PCDH7: variants seen among roughly 807,000 people sequenced by gnomAD.
The protein encoded by PCDH7 is protocadherin-7.
Under a neutral mutation model 58.9 loss-of-function variants are expected in PCDH7, and 17 were observed. The observed-to-expected ratio is 0.29, with a 90% CI of 0.20 to 0.43. PCDH7 has a LOEUF of 0.43. Among genes scored for constraint, PCDH7 ranks in the 20% least tolerant of loss-of-function variants. The pLI is 1.00. For missense variants in PCDH7, 1,274 were observed against 1,441.0 expected (o/e 0.88, Z 1.88); for synonymous variants, 664 against 616.4 (o/e 1.08, Z -1.14).
At chr4:31,013,620 T>G (rs917733154) in intron 3 of PCDH7, among the ~76,000 whole-genome samples, 3 of 132,044 alleles carry the variant, frequency 2.3e-5, no homozygotes, top group African/African-American at 9.0e-5. Flanking sequence ...CACACACACA[T>G]ATATCTGCAC....
chr4:30,770,471 G>C (rs1020514919), intron 1 of PCDH7, among the ~76,000 whole-genome samples: 1 of 152,252 alleles, frequency 6.6e-6, no homozygotes, highest in South Asian at 2.1e-4. Flanking sequence ...AAACTGTTTG[G>C]GGTGAAGTAA....
At chr4:30,793,445 C>A (rs1170774610) in intron 1 of PCDH7, among the ~76,000 whole-genome samples, 3 of 152,062 alleles carry the variant, frequency 2.0e-5, no homozygotes, top group East Asian at 3.9e-4. Flanking sequence ...CAATTTATTT[C>A]TTATACCAGT....
At chr4:31,015,856 CTTTA>C (rs939868364) in intron 3 of PCDH7, among the ~76,000 whole-genome samples, 11 of 152,192 alleles carry the variant, frequency 7.2e-5, no homozygotes, top group Non-Finnish European at 1.5e-4. Context: ...TAAGTACAGA[CTTTA>C]TTTAACACAT....
intron 3 of PCDH7, among the ~76,000 whole-genome samples, chr4:30,957,772 A>G (rs986171503): frequency 6.6e-6 from 1 of 152,146 alleles, no homozygotes; most frequent in Non-Finnish European, 1.5e-5. Flanking sequence ...TATATCCATA[A>G]GAAATTTTCT....
At chr4:30,944,105 A>G (rs1164742068) in intron 2 of PCDH7, among the ~76,000 whole-genome samples, 1 of 152,070 alleles carries the variant, frequency 6.6e-6, no homozygotes, top group East Asian at 1.9e-4. Context: ...TTTCCTGACA[A>G]TATTAGGATA....
chr4:30,779,189 GT>G (rs574262104), intron 1 of PCDH7, among the ~76,000 whole-genome samples: 1 of 150,962 alleles, frequency 6.6e-6, no homozygotes, highest in Non-Finnish European at 1.5e-5. Flanking sequence ...ACACCCGGCT[GT>G]TTTTTTGTGT....
chr4:30,856,923 A>G (rs989502139), intron 1 of PCDH7, among the ~76,000 whole-genome samples: 3 of 151,932 alleles, frequency 2.0e-5, no homozygotes, highest in Non-Finnish European at 4.4e-5. Context: ...TAATTTTGGA[A>G]GCTTTTTTCT....
At chr4:30,811,653 A>G (rs1281828277) in intron 1 of PCDH7, among the ~76,000 whole-genome samples, 1 of 152,224 alleles carries the variant, frequency 6.6e-6, no homozygotes, top group African/African-American at 2.4e-5. Flanking sequence ...AAGTCAGAAG[A>G]GAAACAAGGA....
intron 1 of PCDH7, among the ~76,000 whole-genome samples, chr4:30,792,784 A>G (rs1340654799): frequency 6.6e-6 from 1 of 152,122 alleles, no homozygotes; most frequent in Non-Finnish European, 1.5e-5. Context: ...GCGGGTCAGC[A>G]TGAGTTTTTT....
At chr4:30,868,741 G>A (rs1735184933) in intron 1 of PCDH7, among the ~76,000 whole-genome samples, 1 of 151,956 alleles carries the variant, frequency 6.6e-6, no homozygotes, top group Non-Finnish European at 1.5e-5. Flanking sequence ...AAAGCAATTT[G>A]TTCTTTTACT....
chr4:30,811,032 G>A (rs1400711915), intron 1 of PCDH7, among the ~76,000 whole-genome samples: 1 of 152,168 alleles, frequency 6.6e-6, no homozygotes, highest in Non-Finnish European at 1.5e-5. Flanking sequence ...ACTCATAAAA[G>A]CTAATTGTGA....
At chr4:31,112,188 CA>C (rs1716403265) in intron 3 of PCDH7, among the ~76,000 whole-genome samples, 1 of 152,132 alleles carries the variant, frequency 6.6e-6, no homozygotes, top group Non-Finnish European at 1.5e-5. Context: ...AACCTTCTTT[CA>C]GTTGATAACT....
intron 3 of PCDH7, among the ~76,000 whole-genome samples, chr4:31,067,813 G>A (rs1758217988): frequency 6.6e-6 from 1 of 151,926 alleles, no homozygotes; most frequent in Non-Finnish European, 1.5e-5. Context: ...AGATATCATA[G>A]AAAATTGTCA....
chr4:30,962,977 T>C (rs1358968091), intron 3 of PCDH7, among the ~76,000 whole-genome samples: 1 of 152,080 alleles, frequency 6.6e-6, no homozygotes, highest in Non-Finnish European at 1.5e-5. Context: ...GAGGAATAAG[T>C]CACATTGTCA....
At chr4:30,999,807 A>C (rs538621952) in intron 3 of PCDH7, among the ~76,000 whole-genome samples, 1 of 152,258 alleles carries the variant, frequency 6.6e-6, no homozygotes, top group African/African-American at 2.4e-5. Context: ...AATGTGTTAA[A>C]GTAAGAAGTT....
At chr4:31,050,480 G>C (rs1756647058) in intron 3 of PCDH7, among the ~76,000 whole-genome samples, 1 of 152,078 alleles carries the variant, frequency 6.6e-6, no homozygotes, top group Non-Finnish European at 1.5e-5. Flanking sequence ...AGAGTGCAAG[G>C]ACTGTCCTCT....
At chr4:30,920,496 A>G (rs1743055553) in intron 2 of PCDH7, 127 bp downstream of exon 2, 1 of 506,924 alleles carries the variant, frequency 2.0e-6, no homozygotes, top group Non-Finnish European at 3.2e-6. Context: ...TAAGTGATAA[A>G]TATTTGCTAA....
chr4:30,889,963 T>C (rs1238482139), intron 1 of PCDH7, among the ~76,000 whole-genome samples: 2 of 152,180 alleles, frequency 1.3e-5, no homozygotes, highest in African/African-American at 2.4e-5. Context: ...AAATACATAA[T>C]TAAGGAATTG....
chr4:30,883,827 C>G (rs1737319644), intron 1 of PCDH7, among the ~76,000 whole-genome samples: 1 of 152,114 alleles, frequency 6.6e-6, no homozygotes, highest in Non-Finnish European at 1.5e-5. Flanking sequence ...CATTTCCTGA[C>G]TGTGCAAATT....
Sources: gnomAD v4.1 joint callset for allele counts (sites outside exome capture counted in the v4.1 genomes callset) on GRCh38, gnomAD v4.1.1 for gene constraint, MANE v1.5 for transcripts, NCBI Gene and HGNC (gene_info 2026-07-23, HGNC 2026-07-21) for gene names.